SHANK2: variants seen among roughly 807,000 people sequenced by gnomAD.
SHANK2 encodes SH3 and multiple ankyrin repeat domains protein 2.
Under a neutral mutation model 133.7 loss-of-function variants are expected in SHANK2, and 43 were observed. The ratio of observed to expected loss-of-function variants is 0.32; its 90% CI spans 0.25 to 0.41. The LOEUF is 0.41. Among genes scored for constraint, SHANK2 ranks in the 10% least tolerant of loss-of-function variants. The pLI is 1.00. For synonymous variants in SHANK2, 1,017 were observed against 952.8 expected, an observed-to-expected ratio of 1.07 and a Z score of -1.24; for missense variants, 1,994 against 2,235.8, an observed-to-expected ratio of 0.89 and a Z score of 2.18.
At chr11:70,883,144 G>A (rs367609901) in intron 11 of SHANK2, among the ~76,000 whole-genome samples, 3 of 152,112 alleles carry the variant, frequency 2.0e-5, no homozygotes, top group South Asian at 2.1e-4. Flanking sequence ...ATCCTCCTGC[G>A]CCGAAAACGG....
At chr11:70,936,195 C>T (rs189307621) in intron 10 of SHANK2, among the ~76,000 whole-genome samples, 16 of 152,298 alleles carry the variant, frequency 1.1e-4, no homozygotes, top group East Asian at 5.8e-4. Context: ...AAAACCAATG[C>T]GAGAGTTTTC....
chr11:70,639,214 G>A (rs11825658), intron 17 of SHANK2, among the ~76,000 whole-genome samples: 1 of 152,146 alleles, frequency 6.6e-6, no homozygotes, highest in Non-Finnish European at 1.5e-5. Flanking sequence ...CCAGTTTGGG[G>A]TGGAAGTGGG....
intron 15 of SHANK2, among the ~76,000 whole-genome samples, chr11:70,679,862 C>T (rs1206574659): frequency 3.3e-5 from 5 of 152,228 alleles, no homozygotes; most frequent in Admixed American, 1.3e-4. Context: ...CACCTGCCAA[C>T]AGTTGTGTGA....
At chr11:71,115,100 C>A (rs959912770) in intron 4 of SHANK2, among the ~76,000 whole-genome samples, 1 of 152,206 alleles carries the variant, frequency 6.6e-6, no homozygotes, top group East Asian at 1.9e-4. Flanking sequence ...ATGCCCGCCC[C>A]TAATGTGTCA....
chr11:70,784,990 C>G (rs1947618162), intron 14 of SHANK2, among the ~76,000 whole-genome samples: 1 of 152,212 alleles, frequency 6.6e-6, no homozygotes, highest in African/African-American at 2.4e-5. Context: ...GGTCCCAGGT[C>G]CTGAGCACAA....
chr11:71,086,109 T>C (rs1458900120), intron 8 of SHANK2, among the ~76,000 whole-genome samples: 1 of 49,100 alleles, frequency 2.0e-5, no homozygotes, highest in East Asian at 6.2e-4. Flanking sequence ...TATAATATAT[T>C]ATGTTATATA....
chr11:70,790,815 C>T (rs1555047827), intron 14 of SHANK2, among the ~76,000 whole-genome samples: 1 of 152,208 alleles, frequency 6.6e-6, no homozygotes, highest in African/African-American at 2.4e-5. Flanking sequence ...CTGCAGCATC[C>T]AGGTTCCCTC....
At chr11:70,538,630 G>A (rs2059574383) in intron 17 of SHANK2, among the ~76,000 whole-genome samples, 1 of 152,162 alleles carries the variant, frequency 6.6e-6, no homozygotes, top group South Asian at 2.1e-4. Flanking sequence ...GAAATGCATG[G>A]AGGAGGAGGT....
chr11:70,869,506 G>A (rs561195573), intron 11 of SHANK2, among the ~76,000 whole-genome samples: 6 of 152,126 alleles, frequency 3.9e-5, no homozygotes, highest in Non-Finnish European at 7.3e-5. Flanking sequence ...CATATTTCAC[G>A]GCAAAGTTGT....
At chr11:70,780,442 T>C (rs564343000) in intron 14 of SHANK2, among the ~76,000 whole-genome samples, 3 of 152,204 alleles carry the variant, frequency 2.0e-5, no homozygotes, top group Non-Finnish European at 2.9e-5. Context: ...TTTTTCCAAA[T>C]TGGAGTCCAG....
chr11:71,074,866 G>A (rs888570142), intron 9 of SHANK2, among the ~76,000 whole-genome samples: 11 of 141,188 alleles, frequency 7.8e-5, no homozygotes, highest in African/African-American at 2.6e-4. Context: ...TGCAAGCTCC[G>A]CCTCCTGGGT....
intron 14 of SHANK2, among the ~76,000 whole-genome samples, chr11:70,706,568 T>C (rs1210948046): frequency 6.6e-6 from 1 of 152,068 alleles, no homozygotes; most frequent in African/African-American, 2.4e-5. Context: ...CCGGTGGGAC[T>C]AAACAGCTCC....
intron 17 of SHANK2, 88 bp downstream of exon 17, chr11:70,659,740 C>A: frequency 6.5e-7 from 1 of 1,547,456 alleles, no homozygotes; most frequent in Admixed American, 1.7e-5. Context: ...CAGACTGGGC[C>A]TCGTGGCTGT....
intron 11 of SHANK2, chr11:70,872,407 C>G (rs781991027): frequency 1.3e-5 from 2 of 153,334 alleles, no homozygotes; most frequent in African/African-American, 4.8e-5. Flanking sequence ...GGGAAAAAAA[C>G]CCCACACGCA....
chr11:71,076,378 G>A (rs1254786634), intron 8 of SHANK2, among the ~76,000 whole-genome samples: 1 of 152,038 alleles, frequency 6.6e-6, no homozygotes, highest in East Asian at 1.9e-4. Context: ...ACAGATAGAG[G>A]TGAATTTCAC....
chr11:71,067,920 C>T (rs1951088345), intron 9 of SHANK2, among the ~76,000 whole-genome samples: 2 of 151,732 alleles, frequency 1.3e-5, no homozygotes, highest in African/African-American at 4.8e-5. Flanking sequence ...ATCAATATCA[C>T]CAGCATCACC....
chr11:70,662,921 G>A (rs781885379), intron 15 of SHANK2, among the ~76,000 whole-genome samples: 5 of 152,040 alleles, frequency 3.3e-5, no homozygotes, highest in East Asian at 1.9e-4. Context: ...GAAGGCTACC[G>A]GCACCCCCCC....
At chr11:71,125,058 A>G (rs1352106260) in intron 3 of SHANK2, among the ~76,000 whole-genome samples, 1 of 152,202 alleles carries the variant, frequency 6.6e-6, no homozygotes, top group Non-Finnish European at 1.5e-5. Flanking sequence ...GAAACTTAAT[A>G]AAAGTTCTGT....
chr11:70,775,894 G>A (rs900518772), intron 14 of SHANK2, among the ~76,000 whole-genome samples: 2 of 152,210 alleles, frequency 1.3e-5, no homozygotes, highest in Non-Finnish European at 2.9e-5. Context: ...CTATTTCAGA[G>A]GAGCCAAAAA....
Sources: allele counts gnomAD v4.1 joint callset (sites outside exome capture counted in the v4.1 genomes callset), GRCh38; gene constraint gnomAD v4.1.1; transcripts MANE v1.5; gene names NCBI Gene and HGNC (gene_info 2026-07-23, HGNC 2026-07-21).